TAF2: variants seen among roughly 807,000 people sequenced by gnomAD.
TAF2 encodes the protein TATA-box binding protein associated factor 2.
Under a neutral mutation model 138.5 loss-of-function variants are expected in TAF2, and 61 were observed. The observed-to-expected ratio is 0.44, with a 90% CI of 0.36 to 0.54. The LOEUF is 0.54. Ranked by LOEUF, TAF2 falls within the 20% of genes least tolerant of loss-of-function variation. The probability of loss-of-function intolerance (pLI) is 0.00; values close to 1 mark genes in which losing one functional copy is unlikely to be tolerated. For missense variants in TAF2, 1,090 were observed against 1,427.9 expected (o/e 0.76, Z 3.81); for synonymous variants, 475 against 469.9 (o/e 1.01, Z -0.14).
chr8:119,808,517 G>GA (rs1490447187), intron 3 of TAF2, among the ~76,000 whole-genome samples: 1 of 152,174 alleles, frequency 6.6e-6, no homozygotes, highest in Non-Finnish European at 1.5e-5. Flanking sequence ...CCTAAATCAT[G>GA]AATGTCCTTA....
chr8:119,758,536 A>G (rs1346857842), intron 20 of TAF2, among the ~76,000 whole-genome samples: 1 of 152,164 alleles, frequency 6.6e-6, no homozygotes, highest in Non-Finnish European at 1.5e-5. Context: ...ATGGTATCTC[A>G]ACTATATTAT....
chr8:119,779,357 TA>T lies in TAF2; in HGVS notation c.2254-1229del, dbSNP rs1003148035. Reference sequence around the variant, plus strand: ...TGAATACTACCTATTCTGTTTTATTTAAAAAAAAAATAAAAATAGAAATAAA... The same window carrying T: ...TGAATACTACCTATTCTGTTTTATTTAAAAAAAAATAAAAATAGAAATAAA... On this transcript the variant is annotated intron_variant, in intron 17 of 25. Transcript: ENST00000378164. Among the ~76,000 whole-genome samples, 218 of 150,244 alleles carry T rather than the reference TA, an allele frequency of 1.5e-3. 1 individual carries two copies. The highest frequency in any genetic ancestry group is 4.5e-3 in the African/African-American group (186 of 41,132).
In TAF2 at chr8:119,832,536, C is replaced by G; in HGVS notation, c.29G>C (p.Arg10Thr). Residue 10 changes from arginine (R) to threonine (T), a missense_variant, in exon 1 of 26, where the codon AGA becomes ACA. Arg to Thr is a moderately conservative substitution (Grantham distance 71, BLOSUM62 -1). Transcript: ENST00000378164. Reference protein sequence around the residue: MPLTGVEPARMNRKKGDKGF... With the variant: MPLTGVEPATMNRKKGDKGF... The stretch of plus-strand genomic sequence containing the variant: ...CTTGTCTCCTTTCTTCCTGTTCATT[C>G]TGGCGGGCTCTACACCAGTCAGCGG... The G allele has an allele frequency of 6.2e-7, 1 of 1,608,550 alleles. No individual in the cohort carries two copies. Among genetic ancestry groups the G allele is most frequent in the Non-Finnish European group, 8.5e-7 (1 of 1,176,984 alleles).
At chr8:119,752,166 T>C (rs1820398155) in intron 22 of TAF2, among the ~76,000 whole-genome samples, 3 of 152,166 alleles carry the variant, frequency 2.0e-5, no homozygotes, top group Admixed American at 1.3e-4. Flanking sequence ...TTATGCATTG[T>C]ATTATTCTTA....
intron 23 of TAF2, among the ~76,000 whole-genome samples, chr8:119,745,472 A>G (rs1161527920): frequency 6.6e-6 from 1 of 152,154 alleles, no homozygotes; most frequent in African/African-American, 2.4e-5. Flanking sequence ...TTGACAACAA[A>G]TAAGTATGAT....
chr8:119,787,149 A>G (rs1449945101), intron 14 of TAF2, among the ~76,000 whole-genome samples: 1 of 152,156 alleles, frequency 6.6e-6, no homozygotes, highest in Admixed American at 6.5e-5. Context: ...TTTGCAATCT[A>G]TCCAACTGAC....
At chr8:119,828,057 T>C (rs1219980132) in intron 2 of TAF2, among the ~76,000 whole-genome samples, 3 of 152,122 alleles carry the variant, frequency 2.0e-5, no homozygotes. Context: ...CTTGTATTTT[T>C]AGTAGAGACA....
intron 4 of TAF2, among the ~76,000 whole-genome samples, chr8:119,805,415 A>G (rs1389616903): frequency 6.6e-6 from 1 of 152,082 alleles, no homozygotes; most frequent in Non-Finnish European, 1.5e-5. Context: ...TTTTAAAAAT[A>G]TTTTTCATGG....
intron 18 of TAF2, among the ~76,000 whole-genome samples, chr8:119,770,324 C>G (rs530871750): frequency 6.6e-6 from 1 of 152,060 alleles, no homozygotes; most frequent in Non-Finnish European, 1.5e-5. Flanking sequence ...CCAAGGCCAA[C>G]ATAAAAGAAC....
chr8:119,789,576 C>T lies in TAF2; in HGVS notation c.1568+16G>A. 1 of 1,612,628 alleles carries T rather than the reference C, an allele frequency of 6.2e-7. No homozygotes were observed. The highest frequency in any genetic ancestry group is 8.5e-7 in the Non-Finnish European group (1 of 1,179,674). ...TTCCCTTCCCCACTCTGTTGAACTG[C>T]TATTGAAAAGGATACACCCACTGCT... On this transcript the variant is annotated intron_variant, in intron 12 of 25. Transcript: ENST00000378164.
intron 6 of TAF2, 78 bp from the exon 7 acceptor site, chr8:119,797,924 TATAA>T (rs1586467287): frequency 8.6e-6 from 11 of 1,275,754 alleles, no homozygotes; most frequent in Non-Finnish European, 1.2e-5. Flanking sequence ...ACACCTCAAC[TATAA>T]ATAAATGTTC....
chr8:119,776,800 A>G (rs1822278949), intron 18 of TAF2, among the ~76,000 whole-genome samples: 1 of 152,146 alleles, frequency 6.6e-6, no homozygotes. Flanking sequence ...ATACTTTGGG[A>G]AAATCCTACT....
At chr8:119,786,390 A>T (rs1467785645) in intron 14 of TAF2, among the ~76,000 whole-genome samples, 1 of 152,214 alleles carries the variant, frequency 6.6e-6, no homozygotes, top group African/African-American at 2.4e-5. Flanking sequence ...ATCCAACAAG[A>T]CTAACAAGAA....
chr8:119,819,969 TA>T (rs1395865521), intron 2 of TAF2, among the ~76,000 whole-genome samples: 1 of 151,996 alleles, frequency 6.6e-6, no homozygotes, highest in Non-Finnish European at 1.5e-5. Flanking sequence ...TTAGGACAGG[TA>T]AAACAGCAAG....
chr8:119,773,857 C>A lies in TAF2; in HGVS notation c.2364+4162G>T, dbSNP rs1822017151. On this transcript the variant is annotated intron_variant, in intron 18 of 25. Transcript: ENST00000378164. ...CTTAGCAGGTTAATTAACCTAATGT[C>A]ATAATAATTGTCTTATTAAAAATAT... 1.3e-5 allele frequency among the ~76,000 whole-genome samples: 2 copies of A among 151,646 alleles called. 1 individual carries two copies. The highest frequency in any genetic ancestry group is 1.4e-4 in the Admixed American group (2 of 14,798).
intron 6 of TAF2, among the ~76,000 whole-genome samples, chr8:119,800,868 T>C (rs1272415635): frequency 1.4e-4 from 22 of 152,170 alleles, no homozygotes; most frequent in Admixed American, 1.4e-3. Context: ...ATTTCTTTTT[T>C]AAAAAATAAA....
chr8:119,795,615 G>T lies in TAF2; in HGVS notation c.1108C>A (p.Leu370Met). Reference protein sequence around the residue: ...SRMSWSDEWVLKGISGYIYGL... With the variant: ...SRMSWSDEWVMKGISGYIYGL... Reference sequence around the variant, plus strand: ...TAGATATAGCCTGAAATTCCCTTCAGCACCCATTCATCAGACCTAAGCAAA... The same window carrying T: ...TAGATATAGCCTGAAATTCCCTTCATCACCCATTCATCAGACCTAAGCAAA... The change falls in exon 9 of 26, where the codon CTG (leucine) becomes ATG (methionine). Residue 370 changes from leucine to methionine, a missense_variant. Transcript: ENST00000378164. 1.9e-6 allele frequency: 3 copies of T among 1,613,596 alleles called. No homozygotes were observed. Among genetic ancestry groups the T allele is most frequent in the Non-Finnish European group, 2.5e-6 (3 of 1,179,766 alleles).
intron 25 of TAF2, among the ~76,000 whole-genome samples, chr8:119,739,657 C>T (rs1354397126): frequency 6.6e-6 from 1 of 151,310 alleles, no homozygotes; most frequent in East Asian, 1.9e-4. Flanking sequence ...TCTAAGGGGG[C>T]CATCTAGGAC....
intron 18 of TAF2, among the ~76,000 whole-genome samples, chr8:119,768,014 T>C (rs941829225): frequency 6.6e-6 from 1 of 152,084 alleles, no homozygotes; most frequent in African/African-American, 2.4e-5. Flanking sequence ...TCCACTCCTA[T>C]AAAAGGGAAG....
Sources: allele counts gnomAD v4.1 joint callset (sites outside exome capture counted in the v4.1 genomes callset), GRCh38; gene constraint gnomAD v4.1.1; transcripts MANE v1.5; gene names NCBI Gene and HGNC (gene_info 2026-07-23, HGNC 2026-07-21).